DNAI7: variants seen among roughly 807,000 people sequenced by gnomAD.
DNAI7 encodes cancer susceptibility 1.
A neutral mutation model predicts 86.6 loss-of-function variants in DNAI7; 78 were observed. The observed-to-expected ratio is 0.90, with a 90% CI of 0.75 to 1.09. DNAI7 has a LOEUF of 1.09. Among genes scored for constraint, DNAI7 ranks in the 50% least tolerant of loss-of-function variants. DNAI7 has a pLI of 0.00. For synonymous variants in DNAI7, 274 were observed against 273.0 expected (o/e 1.00, Z -0.04); for missense variants, 753 against 810.2 (o/e 0.93, Z 0.86).
chr12:25,180,847 G>A (rs577920545), intron 2 of DNAI7, among the ~76,000 whole-genome samples: 75 of 151,860 alleles, frequency 4.9e-4, no homozygotes, highest in African/African-American at 1.7e-3. Flanking sequence ...CACTCTTGTC[G>A]CCCAGGCTGG....
chr12:25,179,743 TA>T (rs199973804), intron 2 of DNAI7, among the ~76,000 whole-genome samples: 3,381 of 144,310 alleles, frequency 0.023, 85 homozygotes, highest in African/African-American at 0.073. Context: ...CTTTCATGAT[TA>T]AAAAAAAAAA....
At chr12:25,179,062 C>T (rs1163147183) in intron 2 of DNAI7, among the ~76,000 whole-genome samples, 2 of 152,038 alleles carry the variant, frequency 1.3e-5, no homozygotes, top group African/African-American at 4.8e-5. Context: ...GCTTTACATA[C>T]ATTCCACAAA....
intron 7 of DNAI7, 54 bp from the exon 8 acceptor site, chr12:25,147,158 A>G (rs1944957340): frequency 2.3e-6 from 2 of 863,708 alleles, no homozygotes; most frequent in East Asian, 4.9e-5. Context: ...TAAATTATAC[A>G]AATTAGATAA....
At chr12:25,172,822 C>T (rs1172773937) in intron 2 of DNAI7, among the ~76,000 whole-genome samples, 5 of 151,960 alleles carry the variant, frequency 3.3e-5, no homozygotes, top group South Asian at 4.1e-4. Flanking sequence ...AACTGATCTT[C>T]GACAAAGCAA....
intron 9 of DNAI7, among the ~76,000 whole-genome samples, chr12:25,134,114 G>T (rs1163141378): frequency 6.6e-6 from 1 of 151,766 alleles, no homozygotes; most frequent in Non-Finnish European, 1.5e-5. Context: ...CTCACCTCAG[G>T]GTTCCTAGTA....
At chr12:25,189,675 C>T (rs561780759) in intron 2 of DNAI7, among the ~76,000 whole-genome samples, 14 of 152,024 alleles carry the variant, frequency 9.2e-5, no homozygotes, top group African/African-American at 2.9e-4. Context: ...CAAGAAAATA[C>T]AGAGTATAAT....
intron 2 of DNAI7, among the ~76,000 whole-genome samples, chr12:25,173,898 AC>A: frequency 7.2e-6 from 1 of 138,402 alleles, no homozygotes; most frequent in Admixed American, 7.2e-5. Context: ...TCATATATAT[AC>A]CACATCATAT....
intron 1 of DNAI7, among the ~76,000 whole-genome samples, chr12:25,191,225 C>T (rs2141395114): frequency 6.6e-6 from 1 of 152,122 alleles, no homozygotes; most frequent in East Asian, 1.9e-4. Context: ...TCAGCCCGGG[C>T]AACACAGGAA....
chr12:25,169,847 C>CAAAA (rs1173396136), intron 2 of DNAI7, among the ~76,000 whole-genome samples: 2 of 66,704 alleles, frequency 3.0e-5, no homozygotes, highest in African/African-American at 7.8e-5. Context: ...GACTCTGTCT[C>CAAAA]AAAAAAAAAA....
intron 9 of DNAI7, among the ~76,000 whole-genome samples, chr12:25,124,046 G>GTGTGTA (rs1304588612): frequency 6.6e-6 from 1 of 151,766 alleles, no homozygotes; most frequent in Non-Finnish European, 1.5e-5. Flanking sequence ...GTGTGTGTGT[G>GTGTGTA]TGTGTGTGTG....
Position 25,112,453 on chromosome 12 carries a change from C to A in DNAI7, c.1612-514G>T, listed in dbSNP as rs1052469847. Among the ~76,000 whole-genome samples the A allele has an allele frequency of 3.1e-5, 4 of 127,406 alleles. No individual in the cohort carries two copies. In the Admixed American group the frequency reaches 3.8e-4, roughly 12 times the overall value. 83.6% of individuals were successfully genotyped at this position (127,406 alleles called of 152,430 possible). A position where few individuals can be genotyped will look rare whatever the true frequency, so the allele number is the denominator to read the frequency against. On this transcript the variant is annotated intron_variant, in intron 13 of 15. Coordinates refer to ENST00000395987, the MANE Select transcript of DNAI7 (RefSeq NM_018272.5). ...ACGGAGTCTCCCTCTGTCGCCCAGG[C>A]TGGAGTGCAGTGGTGTGATCTTGGC...
chr12:25,122,694 T>C (rs1269008078), intron 10 of DNAI7, among the ~76,000 whole-genome samples: 1 of 152,198 alleles, frequency 6.6e-6, no homozygotes, highest in African/African-American at 2.4e-5. Flanking sequence ...AGGACAAGAC[T>C]GAATGCAAAC....
At chr12:25,182,629 C>CACACAT (rs1178174523) in intron 2 of DNAI7, among the ~76,000 whole-genome samples, 1 of 151,462 alleles carries the variant, frequency 6.6e-6, no homozygotes, top group Non-Finnish European at 1.5e-5. Flanking sequence ...CACACACACA[C>CACACAT]ACACACACAA....
rs1458544605 is a variant in DNAI7, at chr12:25,190,502, T to G, written c.21+112A>C. ...TGCATTAATGTCTAAAAAGTAAGCT[T>G]AGTAAACTCTACAAACTAAAACTAT... On this transcript the variant is annotated intron_variant, in intron 2 of 15. Coordinates refer to ENST00000395987, the MANE Select transcript of DNAI7 (RefSeq NM_018272.5). 3 of 435,290 alleles carry G rather than the reference T, an allele frequency of 6.9e-6. No individual in the cohort carries two copies. The Admixed American group carries it at 1.2e-4, about 18-fold the overall frequency. The allele number at this position is 435,290 out of a possible 1,614,324, so 27.0% of individuals were successfully genotyped here. A position where few individuals can be genotyped will look rare whatever the true frequency, so the allele number is the denominator to read the frequency against.
chr12:25,170,339 C>T (rs1432994486), intron 2 of DNAI7, among the ~76,000 whole-genome samples: 2 of 150,622 alleles, frequency 1.3e-5, no homozygotes, highest in Admixed American at 6.6e-5. Flanking sequence ...TGCAGTGAGC[C>T]GAGATTGCGC....
rs78710572 is a variant in DNAI7, at chr12:25,112,258, T to G, written c.1612-319A>C. Reference sequence around the variant, plus strand: ...TATGTTCACACTGAATTAAAATAGTTATTAGATAACAATTATGATTATACT... The same window carrying G: ...TATGTTCACACTGAATTAAAATAGTGATTAGATAACAATTATGATTATACT... On this transcript the variant is annotated intron_variant, in intron 13 of 15. Coordinates refer to ENST00000395987, the MANE Select transcript of DNAI7 (RefSeq NM_018272.5). Among the ~76,000 whole-genome samples, 984 of 152,292 alleles carry G rather than the reference T, an allele frequency of 6.5e-3. 5 individuals are homozygous for G. The highest frequency in any genetic ancestry group is 0.011 in the Non-Finnish European group (762 of 68,028).
chr12:25,163,915 G>A (rs539875816), intron 2 of DNAI7, among the ~76,000 whole-genome samples: 4 of 152,116 alleles, frequency 2.6e-5, no homozygotes, highest in Non-Finnish European at 5.9e-5. Context: ...AAGGAGACGC[G>A]TTTTATCCAT....
chr12:25,161,294 T>C, intron 2 of DNAI7, 97 bp from the exon 3 acceptor site: 1 of 1,097,158 alleles, frequency 9.1e-7, no homozygotes, highest in South Asian at 1.3e-5. Flanking sequence ...ATTTTTGCTT[T>C]CATAAAACCA....
chr12:25,158,340 TC>T lies in DNAI7; in HGVS notation c.198+131del, dbSNP rs1192098849. 98 of 662,134 alleles carry T rather than the reference TC, an allele frequency of 1.5e-4. No homozygotes were observed. The African/African-American group carries it at 1.7e-3, about 12-fold the overall frequency. The allele number at this position is 662,134 out of a possible 1,614,324, so 41.0% of individuals were successfully genotyped here. A position where few individuals can be genotyped will look rare whatever the true frequency, so the allele number is the denominator to read the frequency against. On this transcript the variant is annotated intron_variant, in intron 4 of 15. Transcript: ENST00000395987. ...AAATCTGGATAACAATGTCACTTATTCTATGGTACGATTAAGTTCATGTAGG... is the reference window on the plus strand; with the variant it reads ...AAATCTGGATAACAATGTCACTTATTTATGGTACGATTAAGTTCATGTAGG...
Sources: gnomAD v4.1 joint callset for allele counts (sites outside exome capture counted in the v4.1 genomes callset) on GRCh38, gnomAD v4.1.1 for gene constraint, MANE v1.5 for transcripts, NCBI Gene and HGNC (gene_info 2026-07-23, HGNC 2026-07-21) for gene names.